The following ME3 variants were observed in gnomAD, a reference collection of about 807,000 sequenced individuals.
ME3 encodes NADP-dependent malic enzyme, mitochondrial.
ME3 carries 48 observed loss-of-function variants against 68.9 expected under a neutral mutation model. The observed-to-expected ratio is 0.70, with a 90% CI of 0.55 to 0.89. The LOEUF (loss-of-function observed/expected upper bound fraction) is 0.89, where lower values mean the gene tolerates loss of function less well. ME3 is among the 40% of genes least tolerant of loss of function. The pLI, the probability that ME3 is intolerant of heterozygous loss-of-function variation, is 0.00. For synonymous variants in ME3, 320 were observed against 318.8 expected (o/e 1.00, Z -0.04); for missense variants, 675 against 797.4 (o/e 0.85, Z 1.85).
chr11:86,490,810 G>T (rs1299021248), intron 6 of ME3, among the ~76,000 whole-genome samples: 4 of 152,194 alleles, frequency 2.6e-5, no homozygotes, highest in Admixed American at 6.5e-5. Flanking sequence ...CCAAGTCACA[G>T]ATTTGAATCT....
chr11:86,612,760 GT>G (rs879544341), intron 2 of ME3, among the ~76,000 whole-genome samples: 4 of 152,026 alleles, frequency 2.6e-5, no homozygotes, highest in Non-Finnish European at 4.4e-5. Flanking sequence ...TGATGTGGTT[GT>G]TTTTTTCTTG....
At chr11:86,450,529 A>G in intron 8 of ME3, 131 bp from the exon 9 acceptor site, 1 of 642,150 alleles carries the variant, frequency 1.6e-6, no homozygotes, top group South Asian at 2.0e-5. Context: ...TATGCCCTGT[A>G]GGCATGCAAG....
chr11:86,582,351 C>G (rs572807149), intron 2 of ME3, among the ~76,000 whole-genome samples: 22 of 152,210 alleles, frequency 1.4e-4, no homozygotes, highest in Non-Finnish European at 2.8e-4. Context: ...GCATCAGAAG[C>G]ACCTTAGCTG....
chr11:86,474,225 C>G (rs1205417953), intron 7 of ME3, among the ~76,000 whole-genome samples: 1 of 152,174 alleles, frequency 6.6e-6, no homozygotes, highest in Non-Finnish European at 1.5e-5. Context: ...GGGGAAAACT[C>G]CCATTGACTC....
intron 4 of ME3, among the ~76,000 whole-genome samples, chr11:86,542,033 C>T (rs987090248): frequency 2.6e-5 from 4 of 152,192 alleles, no homozygotes; most frequent in Admixed American, 6.5e-5. Flanking sequence ...GGACCTCCAG[C>T]AAACTCTAGC....
chr11:86,597,468 G>C (rs867598740), intron 2 of ME3, among the ~76,000 whole-genome samples: 2 of 152,174 alleles, frequency 1.3e-5, no homozygotes, highest in African/African-American at 2.4e-5. Flanking sequence ...CACACATCTT[G>C]TTGTTGGAAA....
In ME3 at chr11:86,560,722, G is replaced by A. The variant is rs61063735; in HGVS notation, c.184-899C>T. Among the ~76,000 whole-genome samples, 75 of 74,380 alleles carry A rather than the reference G, an allele frequency of 1.0e-3. 1 individual carries two copies. Among genetic ancestry groups the A allele is most frequent in the African/African-American group, 3.3e-3 (60 of 18,284 alleles). 48.8% of individuals were successfully genotyped at this position (74,380 alleles called of 152,430 possible). A position where few individuals can be genotyped will look rare whatever the true frequency, so the allele number is the denominator to read the frequency against. ...TAATGATATGTGTGTGTGTGTGTGT[G>A]TGTATGTGTGTGTGTGTGTGTGTGT... On this transcript the variant is annotated intron_variant, in intron 2 of 14. Coordinates refer to ENST00000543262, the Ensembl canonical transcript of ME3.
At chr11:86,639,850 G>C (rs776882084) in intron 2 of ME3, among the ~76,000 whole-genome samples, 4 of 152,208 alleles carry the variant, frequency 2.6e-5, no homozygotes, top group Non-Finnish European at 5.9e-5. Context: ...AAGAAGGGCA[G>C]ATAATTGGGA....
chr11:86,577,395 G>A (rs866835564), intron 2 of ME3, among the ~76,000 whole-genome samples: 49 of 152,284 alleles, frequency 3.2e-4, no homozygotes, highest in African/African-American at 1.2e-3. Flanking sequence ...CCTAAACACT[G>A]TCTTCCTCCA....
chr11:86,470,657 C>G (rs1950733635), intron 7 of ME3, among the ~76,000 whole-genome samples: 1 of 152,202 alleles, frequency 6.6e-6, no homozygotes, highest in African/African-American at 2.4e-5. Context: ...GCATCTCATC[C>G]TCACCACCTA....
chr11:86,453,031 C>G (rs1296993235), intron 8 of ME3, among the ~76,000 whole-genome samples: 1 of 152,068 alleles, frequency 6.6e-6, no homozygotes, highest in Non-Finnish European at 1.5e-5. Flanking sequence ...CAGAATCTCA[C>G]TCGGTCGCCC....
intron 2 of ME3, among the ~76,000 whole-genome samples, chr11:86,585,017 T>A (rs1958652318): frequency 1.3e-5 from 2 of 150,518 alleles, no homozygotes; most frequent in South Asian, 2.1e-4. Context: ...CAAAAAAGAG[T>A]TAATTAGGCC....
At chr11:86,654,404 A>C (rs111533447) in intron 2 of ME3, among the ~76,000 whole-genome samples, 101 of 152,354 alleles carry the variant, frequency 6.6e-4, no homozygotes, top group Middle Eastern at 6.8e-3. Flanking sequence ...CACCATGATC[A>C]AGTGGGCTTC....
At chr11:86,601,331 G>A (rs567098044) in intron 2 of ME3, among the ~76,000 whole-genome samples, 1 of 152,266 alleles carries the variant, frequency 6.6e-6, no homozygotes, top group Admixed American at 6.5e-5. Flanking sequence ...ACACCTCTAC[G>A]CAAATAAACT....
intron 2 of ME3, among the ~76,000 whole-genome samples, chr11:86,643,379 C>A (rs1944792352): frequency 6.6e-6 from 1 of 152,140 alleles, no homozygotes; most frequent in Admixed American, 6.5e-5. Flanking sequence ...GAACCACCCA[C>A]AAATCCTCTC....
chr11:86,607,867 C>T (rs6592301), intron 2 of ME3, among the ~76,000 whole-genome samples: 60,300 of 151,392 alleles, frequency 0.4, 12,601 homozygotes, highest in East Asian at 0.71. Context: ...ATTGGGGGGG[C>T]ACTTATCTGC....
chr11:86,659,792 T>C (rs1408755436), intron 2 of ME3, among the ~76,000 whole-genome samples: 1 of 152,202 alleles, frequency 6.6e-6, no homozygotes, highest in African/African-American at 2.4e-5. Flanking sequence ...CAGAATCTCA[T>C]GAGACTGGGA....
chr11:86,589,345 T>A (rs149375911), intron 2 of ME3, among the ~76,000 whole-genome samples: 92 of 151,464 alleles, frequency 6.1e-4, no homozygotes, highest in Middle Eastern at 3.4e-3. Context: ...GGGGGTAGGG[T>A]TGGGGGAGGG....
rs1418170699 is a variant in ME3, at chr11:86,653,920, A to C, written c.183+17842T>G. On this transcript the variant is annotated intron_variant, in intron 2 of 14. Coordinates refer to ENST00000543262, the Ensembl canonical transcript of ME3. ...AAAAAATGATAAAGGGTATATCACC[A>C]CCAATCCCACAGAAATACAAACTGC... Among the ~76,000 whole-genome samples, 3 of 152,236 alleles carry C rather than the reference A, an allele frequency of 2.0e-5. No homozygotes were observed. The East Asian group carries it at 5.8e-4, about 29-fold the overall frequency.
Sources: gnomAD v4.1 joint callset for allele counts (sites outside exome capture counted in the v4.1 genomes callset) on GRCh38, gnomAD v4.1.1 for gene constraint, MANE v1.5 for transcripts, NCBI Gene and HGNC (gene_info 2026-07-23, HGNC 2026-07-21) for gene names.